MALRD1: variants seen among roughly 807,000 people sequenced by gnomAD.
MALRD1 encodes MAM and LDL-receptor class A domain-containing protein 1.
In MALRD1, 247 loss-of-function variants were observed where a neutral mutation model predicts 242.1. The ratio of observed to expected loss-of-function variants is 1.02; its 90% CI spans 0.92 to 1.13. The LOEUF is 1.13. Among genes scored for constraint, MALRD1 ranks in the 50% most tolerant of loss-of-function variants. MALRD1 has a pLI of 0.00. For missense variants in MALRD1, 2,989 were observed against 2,533.1 expected (o/e 1.18, Z -3.86); for synonymous variants, 995 against 866.6 (o/e 1.15, Z -2.60).
In MALRD1 at chr10:19,235,467, A is replaced by AT. The variant is rs57856671; in HGVS notation, c.2992-22207dup. Among the ~76,000 whole-genome samples, 28 of 148,608 alleles carry AT rather than the reference A, an allele frequency of 1.9e-4. No homozygotes were observed. In the East Asian group the frequency reaches 3.2e-3, roughly 17 times the overall value. On this transcript the variant is annotated intron_variant, in intron 18 of 39. Transcript: ENST00000454679. ...CCTTTGCCCATTTTTTAATCGGGTTATTTTTTTTTTCTAATTGATTTAAGT... is the reference window on the plus strand; with the variant it reads ...CCTTTGCCCATTTTTTAATCGGGTTATTTTTTTTTTTCTAATTGATTTAAGT...
At chr10:19,708,104 G>A (rs1205950997) in intron 38 of MALRD1, among the ~76,000 whole-genome samples, 1 of 119,750 alleles carries the variant, frequency 8.4e-6, no homozygotes, top group Non-Finnish European at 1.9e-5. Flanking sequence ...TTATACTTAG[G>A]TGACTGCACA....
rs550909650 is a variant in MALRD1, at chr10:19,341,691, C to T, written c.3902-6080C>T. Among the ~76,000 whole-genome samples, 30 of 151,614 alleles carry T rather than the reference C, an allele frequency of 2.0e-4. No individual in the cohort carries two copies. The South Asian group carries it at 6.2e-3, about 32-fold the overall frequency. ...GGCTTATAATTTTAAATAGGGTAGT[C>T]ATAGAAATTCTCATTGAGAAATTAA... On this transcript the variant is annotated intron_variant, in intron 24 of 39. Transcript: ENST00000454679.
chr10:19,418,186 T>C (rs73595804), intron 28 of MALRD1, among the ~76,000 whole-genome samples: 3,736 of 152,128 alleles, frequency 0.025, 154 homozygotes, highest in African/African-American at 0.085. Context: ...TGTTGATAAA[T>C]TATCATTATA....
chr10:19,688,903 A>G (rs1479308246), intron 36 of MALRD1, among the ~76,000 whole-genome samples: 2 of 152,208 alleles, frequency 1.3e-5, no homozygotes, highest in African/African-American at 4.8e-5. Context: ...ATGAAAATGC[A>G]TGTTAAATAT....
intron 32 of MALRD1, among the ~76,000 whole-genome samples, chr10:19,554,917 G>A (rs1835649075): frequency 6.6e-6 from 1 of 151,700 alleles, no homozygotes; most frequent in East Asian, 1.9e-4. Flanking sequence ...CCCACTAATG[G>A]GATTGCTGGG....
At chr10:19,698,445 C>G (rs1040452635) in intron 38 of MALRD1, among the ~76,000 whole-genome samples, 7 of 152,158 alleles carry the variant, frequency 4.6e-5, no homozygotes, top group African/African-American at 1.7e-4. Flanking sequence ...GCAGAACCAT[C>G]TCTGTTGAAC....
intron 21 of MALRD1, among the ~76,000 whole-genome samples, chr10:19,306,979 T>C (rs561824060): frequency 4.6e-4 from 69 of 151,504 alleles, no homozygotes; most frequent in African/African-American, 1.7e-3. Context: ...AGATGAGATA[T>C]TGGTGGGGAT....
intron 38 of MALRD1, among the ~76,000 whole-genome samples, chr10:19,701,039 T>G (rs1427657007): frequency 6.6e-6 from 1 of 152,106 alleles, no homozygotes; most frequent in Admixed American, 6.6e-5. Flanking sequence ...GTCCCAGCTA[T>G]TCCGGAGGCA....
intron 5 of MALRD1, among the ~76,000 whole-genome samples, chr10:19,104,503 A>G (rs74120724): frequency 0.013 from 2,004 of 152,266 alleles, 46 homozygotes; most frequent in African/African-American, 0.046. Context: ...TGACACATCA[A>G]TAAACTACAT....
At chr10:19,244,714 A>G (rs991819983) in intron 18 of MALRD1, among the ~76,000 whole-genome samples, 2 of 152,198 alleles carry the variant, frequency 1.3e-5, no homozygotes, top group Non-Finnish European at 2.9e-5. Context: ...GCAACGTGCA[A>G]CCTAAAAACC....
intron 36 of MALRD1, among the ~76,000 whole-genome samples, chr10:19,617,446 A>G (rs1168464419): frequency 6.6e-6 from 1 of 152,068 alleles, no homozygotes; most frequent in Admixed American, 6.6e-5. Context: ...AATGCAAACA[A>G]ATGTTGGAAT....
intron 32 of MALRD1, among the ~76,000 whole-genome samples, chr10:19,551,364 T>C (rs1410271427): frequency 6.6e-6 from 1 of 152,136 alleles, no homozygotes; most frequent in East Asian, 1.9e-4. Flanking sequence ...CATTTGTTGC[T>C]ATTGTGAATG....
At chr10:19,244,883 G>C (rs1838972649) in intron 18 of MALRD1, among the ~76,000 whole-genome samples, 1 of 152,130 alleles carries the variant, frequency 6.6e-6, no homozygotes, top group South Asian at 2.1e-4. Flanking sequence ...AGCAAATACA[G>C]ATGTCCTTGT....
chr10:19,099,906 G>T (rs1836189811), intron 4 of MALRD1, among the ~76,000 whole-genome samples: 1 of 151,836 alleles, frequency 6.6e-6, no homozygotes, highest in Non-Finnish European at 1.5e-5. Flanking sequence ...GATTACAGGT[G>T]TGTACCACCA....
intron 29 of MALRD1, chr10:19,491,046 T>A (rs562266067): frequency 9.9e-6 from 2 of 201,946 alleles, no homozygotes; most frequent in South Asian, 1.0e-4. Context: ...AAAGTTAACA[T>A]CTTCTTTATG....
Position 19,617,400 on chromosome 10 carries a change from T to C in MALRD1, c.6137+1477T>C, listed in dbSNP as rs78426318. ...AAGTATTATTTTTGATAGCAAATAA[T>C]ACTTTACAAATAGTGAAATAACTAT... On this transcript the variant is annotated intron_variant, in intron 36 of 39. Coordinates refer to ENST00000454679, the MANE Select transcript of MALRD1 (RefSeq NM_001142308.3). 2.6e-3 allele frequency among the ~76,000 whole-genome samples: 397 copies of C among 152,144 alleles called. 7 individuals are homozygous for C. The East Asian group carries it at 0.059, about 23-fold the overall frequency.
intron 5 of MALRD1, among the ~76,000 whole-genome samples, chr10:19,106,345 A>G (rs1214090670): frequency 1.3e-5 from 2 of 151,670 alleles, no homozygotes; most frequent in Admixed American, 6.6e-5. Flanking sequence ...TACTGATTCT[A>G]TCTGTTCAGA....
intron 36 of MALRD1, among the ~76,000 whole-genome samples, chr10:19,656,582 T>A (rs1841161020): frequency 6.6e-6 from 1 of 152,128 alleles, no homozygotes; most frequent in African/African-American, 2.4e-5. Flanking sequence ...AGCAAACATT[T>A]TTTTTTTCTG....
intron 38 of MALRD1, chr10:19,710,852 G>C (rs978000266): frequency 3.9e-5 from 6 of 152,184 alleles, no homozygotes; most frequent in African/African-American, 1.4e-4. Flanking sequence ...CTCTGACATT[G>C]CTGGGTTGCA....
Sources: gnomAD v4.1 joint callset for allele counts (sites outside exome capture counted in the v4.1 genomes callset) on GRCh38, gnomAD v4.1.1 for gene constraint, MANE v1.5 for transcripts, NCBI Gene and HGNC (gene_info 2026-07-23, HGNC 2026-07-21) for gene names.